PTBP2: variants seen among roughly 807,000 people sequenced by gnomAD.
PTBP2 encodes the protein polypyrimidine tract-binding protein 2.
A neutral mutation model predicts 61.4 loss-of-function variants in PTBP2; 13 were observed. The ratio of observed to expected loss-of-function variants is 0.21; its 90% CI spans 0.14 to 0.34. The LOEUF (loss-of-function observed/expected upper bound fraction) is 0.34, where lower values mean the gene tolerates loss of function less well. PTBP2 is among the 10% of genes least tolerant of loss of function. PTBP2 has a pLI of 1.00. For missense variants in PTBP2, 405 were observed against 642.6 expected (o/e 0.63, Z 4.00); for synonymous variants, 215 against 218.5 (o/e 0.98, Z 0.14).
At chr1:96,771,055 T>G (rs571108143) in intron 5 of PTBP2, 1 of 404,088 alleles carries the variant, frequency 2.5e-6, no homozygotes, top group African/African-American at 2.1e-5. Context: ...CAAATGTTCT[T>G]TTTCTTGTTG....
chr1:96,817,590 TCACTC>T (rs753536305), downstream of PTBP2: 24 of 152,112 alleles, frequency 1.6e-4, no homozygotes, highest in African/African-American at 5.1e-4. Context: ...CCTATGCACT[TCACTC>T]AACTATATCA....
At chr1:96,748,518 G>A (rs1466516278) in intron 2 of PTBP2, among the ~76,000 whole-genome samples, 1 of 151,970 alleles carries the variant, frequency 6.6e-6, no homozygotes, top group Non-Finnish European at 1.5e-5. Context: ...TGGGATGTTA[G>A]TTTCTCTTGA....
chr1:96,739,618 G>GGTTTTTTT (rs1232683663), intron 2 of PTBP2, among the ~76,000 whole-genome samples: 7 of 83,798 alleles, frequency 8.4e-5, no homozygotes, highest in Non-Finnish European at 6.6e-5. Context: ...ACTGGTGTGT[G>GGTTTTTTT]TTTTTTTTTT....
intron 11 of PTBP2, among the ~76,000 whole-genome samples, chr1:96,808,868 A>G (rs1235151056): frequency 6.6e-6 from 1 of 152,116 alleles, no homozygotes; most frequent in African/African-American, 2.4e-5. Flanking sequence ...ACTATTTAGT[A>G]TGGTGTACTA....
At chr1:96,756,470 G>A (rs957779496) in intron 3 of PTBP2, among the ~76,000 whole-genome samples, 1 of 152,204 alleles carries the variant, frequency 6.6e-6, no homozygotes, top group African/African-American at 2.4e-5. Context: ...TGAAAACTTA[G>A]TCTGCGCAGA....
intron 2 of PTBP2, among the ~76,000 whole-genome samples, chr1:96,741,484 A>T (rs34575842): frequency 6.6e-6 from 1 of 151,648 alleles, no homozygotes; most frequent in African/African-American, 2.4e-5. Flanking sequence ...TTTGTTGCGA[A>T]CTCCCAGGCT....
chr1:96,726,297 G>A (rs1246774556), intron 2 of PTBP2, among the ~76,000 whole-genome samples: 1 of 138,508 alleles, frequency 7.2e-6, no homozygotes, highest in Non-Finnish European at 1.5e-5. Context: ...TTTTTGAGTC[G>A]GAGTCTCCCT....
At chr1:96,722,665 A>G (rs1649774967) in intron 1 of PTBP2, among the ~76,000 whole-genome samples, 1 of 152,244 alleles carries the variant, frequency 6.6e-6, no homozygotes, top group Non-Finnish European at 1.5e-5. Context: ...CAGCAATGGC[A>G]GAAACAAGAG....
intron 3 of PTBP2, among the ~76,000 whole-genome samples, chr1:96,752,597 A>T (rs541276468): frequency 1.3e-5 from 2 of 152,312 alleles, no homozygotes; most frequent in South Asian, 4.1e-4. Context: ...TTTGATAGTC[A>T]AAGTACCATG....
chr1:96,822,140 G>C (rs1391545065), exon 14 of PTBP2: 2 of 152,116 alleles, frequency 1.3e-5, no homozygotes, highest in Non-Finnish European at 2.9e-5. Flanking sequence ...GGGGCTTTCA[G>C]TTCAGTATGA....
At chr1:96,753,209 A>G (rs902992214) in intron 3 of PTBP2, among the ~76,000 whole-genome samples, 1 of 152,240 alleles carries the variant, frequency 6.6e-6, no homozygotes, top group African/African-American at 2.4e-5. Flanking sequence ...TCTGGGGCTA[A>G]ATGGTGATTC....
chr1:96,767,281 C>T (rs551056160), intron 3 of PTBP2, among the ~76,000 whole-genome samples: 1 of 152,140 alleles, frequency 6.6e-6, no homozygotes, highest in South Asian at 2.1e-4. Flanking sequence ...TTTAGGCAGG[C>T]TTTTGCCTTT....
chr1:96,757,634 A>T (rs1338537572), intron 3 of PTBP2, among the ~76,000 whole-genome samples: 1 of 152,210 alleles, frequency 6.6e-6, no homozygotes, highest in Non-Finnish European at 1.5e-5. Context: ...TAACTGTAAA[A>T]TAACTTCAAG....
intron 3 of PTBP2, among the ~76,000 whole-genome samples, chr1:96,762,956 G>A (rs1402791062): frequency 1.3e-4 from 20 of 150,804 alleles, no homozygotes; most frequent in Non-Finnish European, 2.7e-4. Context: ...GCGGGGCAGC[G>A]GCGCTCCCCA....
chr1:96,765,935 G>A (rs936066438), intron 3 of PTBP2, among the ~76,000 whole-genome samples: 2 of 152,168 alleles, frequency 1.3e-5, no homozygotes, highest in African/African-American at 2.4e-5. Flanking sequence ...TGCTATTAGA[G>A]AAATTCAGTG....
intron 5 of PTBP2, among the ~76,000 whole-genome samples, chr1:96,777,103 A>C (rs1237836333): frequency 6.6e-6 from 1 of 152,104 alleles, no homozygotes; most frequent in Non-Finnish European, 1.5e-5. Context: ...TGTAGTATGA[A>C]AAATGTATTT....
intron 8 of PTBP2, among the ~76,000 whole-genome samples, chr1:96,795,132 A>G (rs1466035032): frequency 6.6e-6 from 1 of 152,212 alleles, no homozygotes; most frequent in Admixed American, 6.5e-5. Context: ...GGATTCATCA[A>G]CTATTTTTAG....
chr1:96,762,354 C>T (rs1309284340), intron 3 of PTBP2, among the ~76,000 whole-genome samples: 6 of 149,780 alleles, frequency 4.0e-5, no homozygotes, highest in East Asian at 2.0e-4. Context: ...CGGGCAGAGG[C>T]GCCCCTCACC....
intron 2 of PTBP2, among the ~76,000 whole-genome samples, chr1:96,739,019 T>A (rs2101876): frequency 0.34 from 51,203 of 152,084 alleles, 8,832 homozygotes; most frequent in South Asian, 0.44. Context: ...ATTTTTCATA[T>A]GTGTGAAAAG....
Sources: gnomAD v4.1 joint callset for allele counts (sites outside exome capture counted in the v4.1 genomes callset) on GRCh38, gnomAD v4.1.1 for gene constraint, MANE v1.5 for transcripts, NCBI Gene and HGNC (gene_info 2026-07-23, HGNC 2026-07-21) for gene names.